Variants in ADAMTS12 observed in about 807,000 individuals in gnomAD.
The protein encoded by ADAMTS12 is ADAM metallopeptidase with thrombospondin type 1 motif 12, also known as A disintegrin and metalloproteinase with thrombospondin motifs 12.
A neutral mutation model predicts 167.8 loss-of-function variants in ADAMTS12; 118 were observed. The ratio of observed to expected loss-of-function variants is 0.70; its 90% CI spans 0.61 to 0.82. The LOEUF is 0.82. Ranked by LOEUF, ADAMTS12 falls within the 40% of genes least tolerant of loss-of-function variation. The pLI is 0.00. For synonymous variants in ADAMTS12, 704 were observed against 716.9 expected (o/e 0.98, Z 0.29); for missense variants, 1,916 against 1,998.8 (o/e 0.96, Z 0.79).
intron 5 of ADAMTS12, among the ~76,000 whole-genome samples, chr5:33,663,351 G>C (rs893730607): frequency 2.0e-5 from 3 of 152,048 alleles, no homozygotes; most frequent in African/African-American, 7.2e-5. Context: ...CCCTAGATGG[G>C]AGCAAACGTG....
chr5:33,685,423 T>C (rs1742288013), intron 3 of ADAMTS12, among the ~76,000 whole-genome samples: 1 of 152,224 alleles, frequency 6.6e-6, no homozygotes, highest in Admixed American at 6.5e-5. Flanking sequence ...GACCCTGAGT[T>C]GGGACAACTA....
At chr5:33,606,279 C>T (rs1047282072) in intron 16 of ADAMTS12, among the ~76,000 whole-genome samples, 1 of 152,156 alleles carries the variant, frequency 6.6e-6, no homozygotes, top group Admixed American at 6.6e-5. Context: ...ACTACCATGA[C>T]ATACTAATAG....
chr5:33,639,138 T>C (rs963380586), intron 11 of ADAMTS12, among the ~76,000 whole-genome samples: 4 of 152,210 alleles, frequency 2.6e-5, no homozygotes, highest in Non-Finnish European at 5.9e-5. Flanking sequence ...ACAAGTTGTA[T>C]TGCATGAGAC....
intron 9 of ADAMTS12, among the ~76,000 whole-genome samples, chr5:33,644,683 G>C (rs964779970): frequency 2.0e-5 from 3 of 151,864 alleles, no homozygotes; most frequent in Non-Finnish European, 2.9e-5. Flanking sequence ...GCTGAAGATA[G>C]ACTACATTAG....
intron 19 of ADAMTS12, among the ~76,000 whole-genome samples, chr5:33,572,022 C>A (rs1223875284): frequency 1.3e-5 from 2 of 152,148 alleles, no homozygotes; most frequent in Non-Finnish European, 2.9e-5. Flanking sequence ...TTCCTCGACA[C>A]ATACACTCTC....
In ADAMTS12 at chr5:33,571,876, G is replaced by A. The variant is rs551459307; in HGVS notation, c.3972+4178C>T. On this transcript the variant is annotated intron_variant, in intron 19 of 23. Transcript: ENST00000504830. ...CAAGACTAATAAAGAAAAAAAGAGAGAAGAATCAAATAGACACAATAAAAA... is the reference window on the plus strand; with the variant it reads ...CAAGACTAATAAAGAAAAAAAGAGAAAAGAATCAAATAGACACAATAAAAA... Among the ~76,000 whole-genome samples the A allele has an allele frequency of 1.2e-3, 189 of 152,110 alleles. 1 individual carries two copies. Among genetic ancestry groups the A allele is most frequent in the African/African-American group, 4.4e-3 (184 of 41,506 alleles).
rs1579871837 is a variant in ADAMTS12 at position 33,720,268 on chromosome 5, T to C, written c.634+31136A>G. Among the ~76,000 whole-genome samples the C allele has an allele frequency of 5.6e-5, 5 of 89,258 alleles. 1 individual carries two copies. The highest frequency in any genetic ancestry group is 1.3e-4 in the African/African-American group (3 of 23,248). 58.6% of individuals were successfully genotyped at this position (89,258 alleles called of 152,430 possible). Reference sequence around the variant, plus strand: ...AATGTTAATAGTTTCCATTCACCCCTCTCTCTCTCTCTCACTCACACACAC... The same window carrying C: ...AATGTTAATAGTTTCCATTCACCCCCCTCTCTCTCTCTCACTCACACACAC... On this transcript the variant is annotated intron_variant, in intron 3 of 23. Transcript: ENST00000504830.
At chr5:33,740,991 C>T (rs909471522) in intron 3 of ADAMTS12, among the ~76,000 whole-genome samples, 1 of 152,250 alleles carries the variant, frequency 6.6e-6, no homozygotes, top group South Asian at 2.1e-4. Context: ...CCTCAAAGCA[C>T]TACACCCCAA....
At chr5:33,742,735 G>A (rs1002635710) in intron 3 of ADAMTS12, among the ~76,000 whole-genome samples, 1 of 151,968 alleles carries the variant, frequency 6.6e-6, no homozygotes, top group Non-Finnish European at 1.5e-5. Context: ...CACTAATGAA[G>A]CTATAATTCA....
At chr5:33,872,613 G>A (rs986862876) in intron 2 of ADAMTS12, among the ~76,000 whole-genome samples, 7 of 151,568 alleles carry the variant, frequency 4.6e-5, no homozygotes, top group Non-Finnish European at 1.0e-4. Context: ...AAACAGAGAC[G>A]CAAAACCCCT....
At chr5:33,580,914 A>T (rs1460900865) in intron 18 of ADAMTS12, among the ~76,000 whole-genome samples, 1 of 152,154 alleles carries the variant, frequency 6.6e-6, no homozygotes, top group Non-Finnish European at 1.5e-5. Context: ...CAGTGCACCA[A>T]CCTTCCATCC....
intron 1 of ADAMTS12, among the ~76,000 whole-genome samples, chr5:33,889,092 T>C (rs550942536): frequency 2.0e-5 from 3 of 152,132 alleles, no homozygotes; most frequent in Non-Finnish European, 4.4e-5. Context: ...GGGCATTTAT[T>C]AGGTGCTCAA....
chr5:33,583,942 A>C (rs928954213), intron 18 of ADAMTS12, among the ~76,000 whole-genome samples: 11 of 151,862 alleles, frequency 7.2e-5, no homozygotes, highest in East Asian at 5.8e-4. Flanking sequence ...ACAGAATGAG[A>C]AAAGCCAGTC....
chr5:33,781,256 T>C (rs1276287434), intron 2 of ADAMTS12, among the ~76,000 whole-genome samples: 3 of 150,142 alleles, frequency 2.0e-5, no homozygotes, highest in Admixed American at 6.6e-5. Flanking sequence ...CATGTGTGTG[T>C]GTGTATATAT....
At chr5:33,585,199 C>T (rs765443207) in intron 18 of ADAMTS12, among the ~76,000 whole-genome samples, 1 of 152,080 alleles carries the variant, frequency 6.6e-6, no homozygotes, top group African/African-American at 2.4e-5. Context: ...TTGGGGGTAC[C>T]AGGGGTGTCT....
intron 2 of ADAMTS12, among the ~76,000 whole-genome samples, chr5:33,876,055 C>A (rs536132749): frequency 1.2e-4 from 18 of 152,178 alleles, no homozygotes; most frequent in African/African-American, 2.9e-4. Context: ...AATATAAGGA[C>A]TTAGAAAATG....
intron 16 of ADAMTS12, among the ~76,000 whole-genome samples, chr5:33,602,820 C>A (rs183049120): frequency 6.6e-6 from 1 of 152,304 alleles, no homozygotes; most frequent in South Asian, 2.1e-4. Flanking sequence ...ATCTGCTCCA[C>A]GCTAATTTAT....
chr5:33,855,221 G>A (rs1028143490), intron 2 of ADAMTS12, among the ~76,000 whole-genome samples: 7 of 152,208 alleles, frequency 4.6e-5, no homozygotes, highest in Admixed American at 3.3e-4. Flanking sequence ...AAAGAGTAAC[G>A]TGGTATGAGG....
intron 16 of ADAMTS12, among the ~76,000 whole-genome samples, chr5:33,611,052 A>T: frequency 6.6e-6 from 1 of 152,168 alleles, no homozygotes; most frequent in Non-Finnish European, 1.5e-5. Flanking sequence ...GTGACAGAAA[A>T]AAAAAGTACT....
Sources: allele counts gnomAD v4.1 joint callset (sites outside exome capture counted in the v4.1 genomes callset), GRCh38; gene constraint gnomAD v4.1.1; transcripts MANE v1.5; gene names NCBI Gene and HGNC (gene_info 2026-07-23, HGNC 2026-07-21).